ZNF555: variants seen among roughly 807,000 people sequenced by gnomAD.
The protein encoded by ZNF555 is zinc finger protein 555.
A neutral mutation model predicts 14.0 loss-of-function variants in ZNF555; 10 were observed. The ratio of observed to expected loss-of-function variants is 0.72; its 90% CI spans 0.44 to 1.21. The LOEUF (loss-of-function observed/expected upper bound fraction) is 1.21, where lower values mean the gene tolerates loss of function less well. Among genes scored for constraint, ZNF555 ranks in the 50% most tolerant of loss-of-function variants. The pLI is 0.00. For missense variants in ZNF555, 747 were observed against 762.0 expected, an observed-to-expected ratio of 0.98 and a Z score of 0.23; for synonymous variants, 277 against 262.4, an observed-to-expected ratio of 1.06 and a Z score of -0.54.
chr19:2,847,688 G>T (rs554208588), intron 1 of ZNF555, among the ~76,000 whole-genome samples: 2 of 152,254 alleles, frequency 1.3e-5, no homozygotes, highest in South Asian at 4.1e-4. Context: ...TAGTCATATT[G>T]GAGTAGGGCC....
Position 2,855,656 on chromosome 19 carries a change from G to A in ZNF555, c.*1704G>A, listed in dbSNP as rs2087677480. 1 of 152,156 alleles carries A rather than the reference G, an allele frequency of 6.6e-6. No homozygotes were observed. The highest frequency in any genetic ancestry group is 3.2e-3 in the Middle Eastern group (1 of 316). 9.4% of individuals were successfully genotyped at this position (152,156 alleles called of 1,614,324 possible). On this transcript the variant is annotated 3_prime_UTR_variant, in exon 4 of 4. Coordinates refer to ENST00000334241, the MANE Select transcript of ZNF555 (RefSeq NM_152791.5). ...TGCCATAACAAAGTACAAAAACTGG[G>A]TGACATAGGAAAACAAACTTTTTGT...
At chr19:2,842,038 G>A (rs2087541481) in intron 1 of ZNF555, among the ~76,000 whole-genome samples, 1 of 152,094 alleles carries the variant, frequency 6.6e-6, no homozygotes, top group African/African-American at 2.4e-5. Flanking sequence ...CTGGGGTGCG[G>A]GTCCCTGGTC....
In ZNF555 at chr19:2,857,639, G is replaced by GT. The variant is rs2030448611; in HGVS notation, c.*3688dup. 6.6e-6 allele frequency: 1 copy of GT among 152,160 alleles called. No homozygotes were observed. The highest frequency in any genetic ancestry group is 2.4e-5 in the African/African-American group (1 of 41,436). The allele number at this position is 152,160 out of a possible 1,614,324, so 9.4% of individuals were successfully genotyped here. ...TACTCTTAAAATAGCAAATTTTGTT[G>GT]TATGTATATTTTAAAGTTAAACAAT... On this transcript the variant is annotated 3_prime_UTR_variant, in exon 4 of 4. Transcript: ENST00000334241.
chr19:2,846,375 A>T (rs1301712033), intron 1 of ZNF555, among the ~76,000 whole-genome samples: 2 of 152,184 alleles, frequency 1.3e-5, no homozygotes, highest in Non-Finnish European at 2.9e-5. Flanking sequence ...CACAGCTCTG[A>T]ATCAGACAGT....
intron 1 of ZNF555, among the ~76,000 whole-genome samples, chr19:2,843,130 G>A (rs527580528): frequency 8.6e-5 from 13 of 151,760 alleles, no homozygotes; most frequent in African/African-American, 3.1e-4. Flanking sequence ...ACATTCCCTG[G>A]AGTGTGTGTC....
rs1417466826 is a variant in ZNF555 at position 2,853,345 on chromosome 19, A to G, written c.1280A>G (p.Lys427Arg). The G allele has an allele frequency of 1.2e-6, 2 of 1,614,164 alleles. No homozygotes were observed. The highest frequency in any genetic ancestry group is 3.3e-5 in the Admixed American group (2 of 60,012). Residue 427 changes from lysine to arginine, a missense_variant, in exon 4 of 4, where the codon AAG (lysine) becomes AGG (arginine). Transcript: ENST00000334241. ...VHTGEKPYEC[K>R]QCGKTFNWPI... ...ACTGGAGAGAAACCCTATGAGTGCAAGCAATGTGGGAAAACTTTCAATTGG... is the reference window on the plus strand; with the variant it reads ...ACTGGAGAGAAACCCTATGAGTGCAGGCAATGTGGGAAAACTTTCAATTGG...
rs1448343667 is a variant in ZNF555 at position 2,841,507 on chromosome 19, C to T, written c.-66C>T. Reference sequence around the variant, plus strand: ...CCGTGAGTGCCCCGCCTGCCCCTAGCGGTCCCTGGCGTCCCGGTTCCTGTC... The same window carrying T: ...CCGTGAGTGCCCCGCCTGCCCCTAGTGGTCCCTGGCGTCCCGGTTCCTGTC... On this transcript the variant is annotated 5_prime_UTR_variant, in exon 1 of 4. Coordinates refer to ENST00000334241, the MANE Select transcript of ZNF555 (RefSeq NM_152791.5). 8.4e-6 allele frequency: 13 copies of T among 1,544,052 alleles called. No homozygotes were observed. Among genetic ancestry groups the T allele is most frequent in the Non-Finnish European group, 1.0e-5 (12 of 1,143,776 alleles).
At chr19:2,846,719 C>T (rs147766076) in intron 1 of ZNF555, among the ~76,000 whole-genome samples, 15 of 152,266 alleles carry the variant, frequency 9.9e-5, no homozygotes, top group South Asian at 6.2e-4. Context: ...TAGGTATTGC[C>T]GGGTTGGACA....
Position 2,853,376 on chromosome 19 carries a change from A to G in ZNF555, c.1311A>G (p.Ile437Met). 2 of 1,614,070 alleles carry G rather than the reference A, an allele frequency of 1.2e-6. No homozygotes were observed. The highest frequency in any genetic ancestry group is 1.7e-6 in the Non-Finnish European group (2 of 1,179,972). ...KQCGKTFNWP[I>M]SLRKHMRTHT... The stretch of plus-strand genomic sequence containing the variant: ...GTGGGAAAACTTTCAATTGGCCCAT[A>G]TCTTTACGAAAACATATGAGAACAC... Residue 437 changes from isoleucine to methionine, a missense_variant, in exon 4 of 4, where the codon ATA becomes ATG. Ile to Met is a conservative substitution (Grantham distance 10). Transcript: ENST00000334241.
In ZNF555 at chr19:2,853,053, C is replaced by T; in HGVS notation, c.988C>T (p.His330Tyr). Residue 330 changes from histidine (H) to tyrosine (Y), a missense_variant, in exon 4 of 4, where the codon CAC becomes TAC. Coordinates refer to ENST00000334241, the MANE Select transcript of ZNF555 (RefSeq NM_152791.5). ...CAGTTATTCTTCGGCTTTTCGAAGA[C>T]ACATGATAACACACACTGGAGAGAA... ...AFSYSSAFRR[H>Y]MITHTGEKPY... The T allele has an allele frequency of 1.2e-6, 2 of 1,614,166 alleles. No individual in the cohort carries two copies. The highest frequency in any genetic ancestry group is 1.7e-6 in the Non-Finnish European group (2 of 1,180,038).
intron 1 of ZNF555, among the ~76,000 whole-genome samples, chr19:2,849,506 A>C (rs2087610432): frequency 7.3e-6 from 1 of 136,894 alleles, no homozygotes; most frequent in Non-Finnish European, 1.6e-5. Flanking sequence ...TTTTTCTGAG[A>C]CTGAGTCCTG....
At chr19:2,842,349 A>C (rs1030715229) in intron 1 of ZNF555, among the ~76,000 whole-genome samples, 1 of 152,216 alleles carries the variant, frequency 6.6e-6, no homozygotes, top group African/African-American at 2.4e-5. Context: ...CAAGGAAGAA[A>C]AGTAACTGAA....
At position 2,855,046 on chromosome 19, in the gene ZNF555, A is replaced by C. The variant is rs2087672398; in HGVS notation, c.*1094A>C. ...GAAAGCCACAGTGTTGCAGTCAAAGAAGAAAAACAACACATGGGACTTTGT... is the reference window on the plus strand; with the variant it reads ...GAAAGCCACAGTGTTGCAGTCAAAGCAGAAAAACAACACATGGGACTTTGT... On this transcript the variant is annotated 3_prime_UTR_variant, in exon 4 of 4. Transcript: ENST00000334241. 1 of 152,212 alleles carries C rather than the reference A, an allele frequency of 6.6e-6. No individual in the cohort carries two copies. The highest frequency in any genetic ancestry group is 2.1e-4 in the South Asian group (1 of 4,830). The allele number at this position is 152,212 out of a possible 1,614,324, so 9.4% of individuals were successfully genotyped here.
rs755030870 is a variant in ZNF555, at chr19:2,852,821, A to C, written c.756A>C (p.Gly252=). The C allele has an allele frequency of 4.3e-6, 7 of 1,614,198 alleles. No homozygotes were observed. In the Admixed American group the frequency reaches 1.2e-4, roughly 27 times the overall value. Residue 252 remains glycine, a synonymous_variant, in exon 4 of 4, where the codon GGA becomes GGC. Transcript: ENST00000334241. ...SLTSHLRSHT[G]EKPYKCKECG... is the part of the protein sequence containing the mutation. ...CTAGTCATCTCAGAAGTCACACCGG[A>C]GAGAAGCCATATAAGTGTAAGGAAT...
intron 1 of ZNF555, among the ~76,000 whole-genome samples, chr19:2,844,041 CTTTCT>C (rs1040445346): frequency 7.3e-5 from 11 of 150,482 alleles, no homozygotes; most frequent in African/African-American, 1.2e-4. Flanking sequence ...CCTAATCTAT[CTTTCT>C]TTTCTTTTCT....
rs1349654604 is a variant in ZNF555, at chr19:2,860,230, G to A, written c.*6278G>A. ...TGACAAAGTCTGGGTAATTCTGTGG[G>A]GACATATATTGGTGTATCTGGGAGG... On this transcript the variant is annotated 3_prime_UTR_variant, in exon 4 of 4. Coordinates refer to ENST00000334241, the MANE Select transcript of ZNF555 (RefSeq NM_152791.5). 2.0e-5 allele frequency: 3 copies of A among 152,006 alleles called. No homozygotes were observed. In the East Asian group the frequency reaches 5.8e-4, roughly 29 times the overall value. 9.4% of individuals were successfully genotyped at this position (152,006 alleles called of 1,614,324 possible).
intron 1 of ZNF555, 106 bp downstream of exon 1, chr19:2,841,681 G>GGGGGCGGCCCCGGCT: frequency 7.5e-7 from 1 of 1,337,156 alleles, no homozygotes; most frequent in Non-Finnish European, 9.7e-7. Flanking sequence ...CGGCCCCGGC[G>GGGGGCGGCCCCGGCT]AGGGCGGCGC....
rs750857201 is a variant in ZNF555, at chr19:2,854,351, T to C, written c.*399T>C. 22 of 190,496 alleles carry C rather than the reference T, an allele frequency of 1.2e-4. No homozygotes were observed. The highest frequency in any genetic ancestry group is 1.7e-4 in the Non-Finnish European group (16 of 91,718). The allele number at this position is 190,496 out of a possible 1,614,324, so 11.8% of individuals were successfully genotyped here. A position where few individuals can be genotyped will look rare whatever the true frequency, so the allele number is the denominator to read the frequency against. On this transcript the variant is annotated 3_prime_UTR_variant, in exon 4 of 4. Transcript: ENST00000334241. ...ATTATGCAAAGTTGTTTAAGGAGTA[T>C]AGCCTCAAATGAATTGTAATTTTTA...
At chr19:2,841,858 C>T (rs1050957354) in intron 1 of ZNF555, among the ~76,000 whole-genome samples, 2 of 151,658 alleles carry the variant, frequency 1.3e-5, no homozygotes, top group Non-Finnish European at 2.9e-5. Flanking sequence ...CCGGGGTCCC[C>T]GCGTCCCTGC....
Sources: allele counts gnomAD v4.1 joint callset (sites outside exome capture counted in the v4.1 genomes callset), GRCh38; gene constraint gnomAD v4.1.1; transcripts MANE v1.5; gene names NCBI Gene and HGNC (gene_info 2026-07-23, HGNC 2026-07-21).